The following STKLD1 variants were observed in gnomAD, a reference collection of about 807,000 sequenced individuals.
The protein encoded by STKLD1 is serine/threonine kinase like domain containing 1.
Under a neutral mutation model 80.4 loss-of-function variants are expected in STKLD1, and 79 were observed. That is an observed-to-expected ratio of 0.98 (90% CI 0.82 to 1.19). STKLD1 has a LOEUF of 1.19. STKLD1 is among the 50% of genes most tolerant of loss of function. The probability of loss-of-function intolerance (pLI) is 0.00; values close to 1 mark genes in which losing one functional copy is unlikely to be tolerated. For synonymous variants in STKLD1, 393 were observed against 357.6 expected, an observed-to-expected ratio of 1.10 and a Z score of -1.12; for missense variants, 841 against 856.0, an observed-to-expected ratio of 0.98 and a Z score of 0.22.
At chr9:133,377,387 G>A (rs1337263833) in intron 1 of STKLD1, among the ~76,000 whole-genome samples, 3 of 152,214 alleles carry the variant, frequency 2.0e-5, no homozygotes, top group South Asian at 4.1e-4. Flanking sequence ...GTCCCTGGCC[G>A]GGCTCGGTGG....
rs2130259479 is a variant in STKLD1, at chr9:133,379,055, C to T, written c.107C>T (p.Pro36Leu). The T allele has an allele frequency of 1.2e-6, 2 of 1,613,976 alleles. No individual in the cohort carries two copies. The highest frequency in any genetic ancestry group is 1.7e-6 in the Non-Finnish European group (2 of 1,179,898). The part of the protein sequence containing the change: ...EKYQVLYQLN[P>L]GALGVNLVVE... ...TGATAGGTTTTGTACCAGCTGAATC[C>T]TGGGGCCTTGGGGGTGAACCTGGTG... is the stretch of plus-strand genomic sequence containing the variant. Residue 36 changes from proline (P) to leucine (L), a missense_variant, in exon 2 of 18, where the codon CCT becomes CTT. Pro to Leu is a moderately conservative substitution (Grantham distance 98). Transcript: ENST00000371957.
chr9:133,393,191 C>CATGGATGGATGGATGGATGGATGGATGG (rs1276349804), intron 7 of STKLD1, among the ~76,000 whole-genome samples: 9 of 90,666 alleles, frequency 9.9e-5, no homozygotes, highest in Non-Finnish European at 1.9e-4. Context: ...TGGATGAGTG[C>CATGGATGGATGGATGGATGGATGGATGG]ATGGATGGAT....
In STKLD1 at chr9:133,387,697, T is replaced by C. The variant is rs2130280424; in HGVS notation, c.396+149T>C. 4 of 713,320 alleles carry C rather than the reference T, an allele frequency of 5.6e-6. No individual in the cohort carries two copies. In the East Asian group the frequency reaches 1.1e-4, roughly 19 times the overall value. The allele number at this position is 713,320 out of a possible 1,614,324, so 44.2% of individuals were successfully genotyped here. A position where few individuals can be genotyped will look rare whatever the true frequency, so the allele number is the denominator to read the frequency against. On this transcript the variant is annotated intron_variant, in intron 5 of 17. Coordinates refer to ENST00000371957, the MANE Select transcript of STKLD1 (RefSeq NM_153710.5). Reference sequence around the variant, plus strand: ...ATGTGTGCCTCGAGGCATTGCACTCTAGGTAATGTGTGCAGATCTTAAGTG... The same window carrying C: ...ATGTGTGCCTCGAGGCATTGCACTCCAGGTAATGTGTGCAGATCTTAAGTG...
chr9:133,396,050 C>A, intron 9 of STKLD1: 2 of 241,366 alleles, frequency 8.3e-6, no homozygotes, highest in Non-Finnish European at 7.9e-6. Flanking sequence ...AAAAAGTTTT[C>A]ATTCTACATA....
At chr9:133,377,163 G>T (rs2130252937) in intron 1 of STKLD1, among the ~76,000 whole-genome samples, 1 of 152,240 alleles carries the variant, frequency 6.6e-6, no homozygotes, top group East Asian at 1.9e-4. Context: ...GTTGCCAGAG[G>T]TGAAGCAGAT....
Position 133,398,031 on chromosome 9 carries a change from C to G in STKLD1, c.1057C>G (p.Leu353Val). The G allele has an allele frequency of 2.5e-6, 4 of 1,613,628 alleles. No individual in the cohort carries two copies. Among genetic ancestry groups the G allele is most frequent in the Non-Finnish European group, 3.4e-6 (4 of 1,179,924 alleles). Residue 353 changes from leucine (L) to valine (V), a missense_variant, in exon 11 of 18, where the codon CTG becomes GTG. By Grantham distance (32) the Leu-to-Val change is conservative. Transcript: ENST00000371957. ...EVQLRAMKRL[L>V]KMPADQLGLP... ...CCAGCTCAGGGCCATGAAGAGGCTT[C>G]TGAAAATGCCTGCAGATCAGCTAGG...
intron 1 of STKLD1, among the ~76,000 whole-genome samples, chr9:133,377,146 A>G (rs941810561): frequency 1.3e-5 from 2 of 152,208 alleles, no homozygotes; most frequent in African/African-American, 4.8e-5. Context: ...TGAGAGGACT[A>G]TAGGGCGTTG....
chr9:133,395,026 A>G (rs968321619), intron 8 of STKLD1, among the ~76,000 whole-genome samples: 4 of 152,146 alleles, frequency 2.6e-5, no homozygotes, highest in African/African-American at 9.7e-5. Flanking sequence ...GCAGAAGAGA[A>G]AAGTGGGGAA....
chr9:133,397,181 C>G lies in STKLD1; in HGVS notation c.884C>G (p.Thr295Ser), dbSNP rs782717621. The G allele has an allele frequency of 3.0e-5, 49 of 1,613,852 alleles. No individual in the cohort carries two copies. The highest frequency in any genetic ancestry group is 3.9e-5 in the Non-Finnish European group (46 of 1,180,034). ...TCTGCTAGGGACGTGGTGCACATCACCTTCTTGAGAGGCTCCTTCAAGTCC... is the reference window on the plus strand; with the variant it reads ...TCTGCTAGGGACGTGGTGCACATCAGCTTCTTGAGAGGCTCCTTCAAGTCC... ...RITIKDVVHI[T>S]FLRGSFKSSC... Residue 295 changes from threonine to serine, a missense_variant, in exon 10 of 18, where the codon ACC becomes AGC. Coordinates refer to ENST00000371957, the MANE Select transcript of STKLD1 (RefSeq NM_153710.5).
Position 133,403,732 on chromosome 9 carries a change from G to C in STKLD1, c.1507G>C (p.Val503Leu). Reference sequence around the variant, plus strand: ...TGTGAACAAGGCCCCCTTGGAGAAGGTCCCGGACCTCATCAGCCAGGTGTT... The same window carrying C: ...TGTGAACAAGGCCCCCTTGGAGAAGCTCCCGGACCTCATCAGCCAGGTGTT... Reference protein sequence around the residue: ...IIVNKAPLEKVPDLISQVLAT... With the variant: ...IIVNKAPLEKLPDLISQVLAT... The change falls in exon 15 of 18, where the codon GTC becomes CTC. Residue 503 changes from valine to leucine, a missense_variant. By Grantham distance (32) the Val-to-Leu change is conservative (BLOSUM62 1). Transcript: ENST00000371957. 1 of 1,613,848 alleles carries C rather than the reference G, an allele frequency of 6.2e-7. No homozygotes were observed. The highest frequency in any genetic ancestry group is 8.5e-7 in the Non-Finnish European group (1 of 1,179,952).
chr9:133,389,242 T>C lies in STKLD1; in HGVS notation c.397-284T>C. On this transcript the variant is annotated intron_variant, in intron 5 of 17. Transcript: ENST00000371957. This position sits in a 1 kb window ranked among gnomAD's most constrained non-coding sequence, Gnocchi z 6.4. ...GTGTGGGGCAGCGCGGGCCACAGAGTAGGGTGCAGGGATGGGGCCCCTGCA... is the reference window on the plus strand; with the variant it reads ...GTGTGGGGCAGCGCGGGCCACAGAGCAGGGTGCAGGGATGGGGCCCCTGCA... 1.0e-6 allele frequency: 1 copy of C among 985,056 alleles called. No individual in the cohort carries two copies. Among genetic ancestry groups the C allele is most frequent in the Non-Finnish European group, 1.2e-6 (1 of 829,820 alleles). The allele number at this position is 985,056 out of a possible 1,614,324, so 61.0% of individuals were successfully genotyped here.
intron 11 of STKLD1, among the ~76,000 whole-genome samples, chr9:133,399,555 C>G (rs1158192346): frequency 6.6e-6 from 1 of 152,226 alleles, no homozygotes; most frequent in Non-Finnish European, 1.5e-5. Flanking sequence ...CCACCCGGAG[C>G]CACACCTCCC....
At chr9:133,382,984 ATGG>A (rs1328279109) in intron 2 of STKLD1, among the ~76,000 whole-genome samples, 3 of 124,940 alleles carry the variant, frequency 2.4e-5, no homozygotes, top group South Asian at 2.8e-4. Context: ...TGTGATGATG[ATGG>A]TGGTCGTGGT....
rs2130287451 is a variant in STKLD1 at position 133,390,809 on chromosome 9, C to A, written c.583+13C>A. On this transcript the variant is annotated intron_variant, in intron 7 of 17. Transcript: ENST00000371957. This position sits in a 1 kb window ranked among gnomAD's most constrained non-coding sequence, Gnocchi z 5.1. Reference sequence around the variant, plus strand: ...CGTGCGGAGGAAGGTGGCAGGGGCTCCCCCAGGTTGTGGGAGAGGGGGTTG... The same window carrying A: ...CGTGCGGAGGAAGGTGGCAGGGGCTACCCCAGGTTGTGGGAGAGGGGGTTG... The A allele has an allele frequency of 2.5e-6, 4 of 1,604,360 alleles. No individual in the cohort carries two copies. The highest frequency in any genetic ancestry group is 3.4e-6 in the Non-Finnish European group (4 of 1,173,060).
At chr9:133,387,826 C>T (rs2130280953) in intron 5 of STKLD1, 6 of 564,984 alleles carry the variant, frequency 1.1e-5, no homozygotes, top group African/African-American at 7.4e-5. Flanking sequence ...ATTGTTCTGC[C>T]GGTCCCTGAA....
rs781825758 is a variant in STKLD1 at position 133,398,044 on chromosome 9, CAG to C, written c.1072_1073del (p.Asp358SerfsTer22). 2 of 1,613,506 alleles carry C rather than the reference CAG, an allele frequency of 1.2e-6. No homozygotes were observed. The highest frequency in any genetic ancestry group is 1.7e-6 in the Non-Finnish European group (2 of 1,179,862). On this transcript the variant is annotated frameshift_variant, in exon 11 of 18. Transcript: ENST00000371957. LOFTEE classifies it high-confidence loss of function. ...ATGAAGAGGCTTCTGAAAATGCCTG[CAG>C]ATCAGCTAGGTAGGCCCCACCCTGC...
rs140223723 is a variant in STKLD1, at chr9:133,403,738, G to C, written c.1513G>C (p.Asp505His). The C allele has an allele frequency of 4.3e-6, 7 of 1,613,792 alleles. No individual in the cohort carries two copies. The highest frequency in any genetic ancestry group is 5.9e-6 in the Non-Finnish European group (7 of 1,179,942). ...CAAGGCCCCCTTGGAGAAGGTCCCG[G>C]ACCTCATCAGCCAGGTGTTGGCCAC... ...VNKAPLEKVP[D>H]LISQVLATYP... is the part of the protein sequence containing the mutation. The change falls in exon 15 of 18, where the codon GAC becomes CAC. Residue 505 changes from aspartate (D) to histidine (H), a missense_variant. Transcript: ENST00000371957.
intron 5 of STKLD1, chr9:133,388,903 G>A (rs2130283059): frequency 1.5e-4 from 146 of 985,242 alleles, no homozygotes; most frequent in Non-Finnish European, 1.5e-4. Context: ...TTCAAAACAC[G>A]AAATATTCCC....
At chr9:133,378,677 TG>T (rs1347632734) in intron 1 of STKLD1, among the ~76,000 whole-genome samples, 1 of 152,220 alleles carries the variant, frequency 6.6e-6, no homozygotes, top group Non-Finnish European at 1.5e-5. Flanking sequence ...GGAAACCAGT[TG>T]GGAGGTGGAT....
Sources: allele counts gnomAD v4.1 joint callset (sites outside exome capture counted in the v4.1 genomes callset), GRCh38; gene constraint gnomAD v4.1.1; non-coding constraint Gnocchi (gnomAD v3.1); transcripts MANE v1.5; gene names NCBI Gene and HGNC (gene_info 2026-07-23, HGNC 2026-07-21).